CCSER1: variants seen among roughly 807,000 people sequenced by gnomAD.
The protein encoded by CCSER1 is serine-rich coiled-coil domain-containing protein 1.
In CCSER1, 41 loss-of-function variants were observed where a neutral mutation model predicts 82.0. The ratio of observed to expected loss-of-function variants is 0.50; its 90% CI spans 0.39 to 0.65. The LOEUF (loss-of-function observed/expected upper bound fraction) is 0.65. Ranked by LOEUF, CCSER1 falls within the 30% of genes least tolerant of loss-of-function variation. The pLI, the probability that CCSER1 is intolerant of heterozygous loss-of-function variation, is 0.00. For missense variants in CCSER1, 1,119 were observed against 1,064.2 expected (o/e 1.05, Z -0.72); for synonymous variants, 414 against 383.9 (o/e 1.08, Z -0.92).
At chr4:90,607,368 A>T (rs1784865018) in intron 5 of CCSER1, among the ~76,000 whole-genome samples, 2 of 152,220 alleles carry the variant, frequency 1.3e-5, no homozygotes, top group Admixed American at 1.3e-4. Flanking sequence ...TAAGGCTGCC[A>T]TACCAAATTA....
intron 4 of CCSER1, among the ~76,000 whole-genome samples, chr4:90,407,257 A>G (rs1444333819): frequency 6.6e-6 from 1 of 152,212 alleles, no homozygotes; most frequent in East Asian, 1.9e-4. Flanking sequence ...AAACTAGTGG[A>G]GATGGATAAA....
chr4:91,597,400 A>G lies in CCSER1; in HGVS notation c.2218-1172A>G, dbSNP rs112934802. Among the ~76,000 whole-genome samples the G allele has an allele frequency of 3.4e-4, 52 of 152,202 alleles. No individual in the cohort carries two copies. The South Asian group carries it at 0.01, about 30-fold the overall frequency. Reference sequence around the variant, plus strand: ...AATTGTGTCAGGAAGAAAGAGTAGAAATGAAGAGAAATGGATGACTTGAGA... The same window carrying G: ...AATTGTGTCAGGAAGAAAGAGTAGAGATGAAGAGAAATGGATGACTTGAGA... On this transcript the variant is annotated intron_variant, in intron 10 of 10. Transcript: ENST00000509176.
At chr4:90,171,735 G>C (rs1578314352) in intron 1 of CCSER1, among the ~76,000 whole-genome samples, 1 of 151,872 alleles carries the variant, frequency 6.6e-6, no homozygotes, top group Non-Finnish European at 1.5e-5. Flanking sequence ...GGTAAACATT[G>C]GAATTGTACA....
At chr4:90,853,847 A>T (rs578225988) in intron 8 of CCSER1, among the ~76,000 whole-genome samples, 339 of 152,286 alleles carry the variant, frequency 2.2e-3, no homozygotes, top group Non-Finnish European at 3.3e-3. Context: ...TGAGTTATGT[A>T]AAATATATTT....
intron 8 of CCSER1, among the ~76,000 whole-genome samples, chr4:90,888,050 A>G (rs560822712): frequency 6.6e-6 from 1 of 152,358 alleles, no homozygotes; most frequent in South Asian, 2.1e-4. Flanking sequence ...AAAATAAGTT[A>G]TAATTAAATT....
chr4:91,053,308 A>C (rs904515761), intron 9 of CCSER1, among the ~76,000 whole-genome samples: 2 of 152,320 alleles, frequency 1.3e-5, no homozygotes, highest in African/African-American at 4.8e-5. Context: ...GACATACCAA[A>C]ATGAGTTGGA....
intron 8 of CCSER1, among the ~76,000 whole-genome samples, chr4:90,870,971 A>G (rs1032409937): frequency 2.0e-5 from 3 of 150,060 alleles, no homozygotes; most frequent in Admixed American, 6.6e-5. Context: ...TCCTTTTTTA[A>G]TGTATGTTTG....
At chr4:90,727,400 T>A in intron 7 of CCSER1, 1 of 404,234 alleles carries the variant, frequency 2.5e-6, no homozygotes, top group South Asian at 1.8e-5. Flanking sequence ...TGCTTAGCCA[T>A]TAAGTTTTTT....
chr4:91,578,648 T>G (rs1471074728), intron 10 of CCSER1, among the ~76,000 whole-genome samples: 3 of 152,144 alleles, frequency 2.0e-5, no homozygotes, highest in Non-Finnish European at 4.4e-5. Context: ...AGCTTTTCTT[T>G]TCTGAGAAAC....
chr4:90,641,244 T>C (rs1055805307), intron 6 of CCSER1, among the ~76,000 whole-genome samples: 36 of 152,066 alleles, frequency 2.4e-4, no homozygotes, highest in Admixed American at 2.2e-3. Flanking sequence ...GAATATGGAG[T>C]TAAAAATATG....
At chr4:90,227,726 A>G (rs976559581) in intron 1 of CCSER1, among the ~76,000 whole-genome samples, 1 of 152,184 alleles carries the variant, frequency 6.6e-6, no homozygotes, top group Non-Finnish European at 1.5e-5. Context: ...TCATCTCACT[A>G]GGGAGTGCCA....
At chr4:91,079,420 G>A (rs1467732342) in intron 9 of CCSER1, among the ~76,000 whole-genome samples, 1 of 152,150 alleles carries the variant, frequency 6.6e-6, no homozygotes, top group African/African-American at 2.4e-5. Context: ...AGCTCTGGAA[G>A]GAAGTACTAA....
chr4:90,345,705 G>A (rs1742193000), intron 3 of CCSER1, among the ~76,000 whole-genome samples: 1 of 151,946 alleles, frequency 6.6e-6, no homozygotes, highest in South Asian at 2.1e-4. Context: ...AACACACATG[G>A]CCCTTACTCT....
intron 1 of CCSER1, among the ~76,000 whole-genome samples, chr4:90,232,461 C>T (rs1359604716): frequency 2.6e-5 from 4 of 152,110 alleles, no homozygotes; most frequent in Non-Finnish European, 5.9e-5. Flanking sequence ...ACACCTTATA[C>T]AGAAATCAAT....
rs745505744 is a variant in CCSER1 at position 91,216,971 on chromosome 4, CACTG to C, written c.2217+130981_2217+130984del. Among the ~76,000 whole-genome samples, 16 of 152,270 alleles carry C rather than the reference CACTG, an allele frequency of 1.1e-4. 1 individual carries two copies. In the East Asian group the frequency reaches 2.3e-3, roughly 22 times the overall value. On this transcript the variant is annotated intron_variant, in intron 10 of 10. Transcript: ENST00000509176. Reference sequence around the variant, plus strand: ...TCCGGAATTGGTGGGTTCTTGGTCTCACTGACTTCAAGAATGAAGCCGCGGACCC... The same window carrying C: ...TCCGGAATTGGTGGGTTCTTGGTCTCACTTCAAGAATGAAGCCGCGGACCC...
chr4:90,933,257 G>A (rs1320171596), intron 9 of CCSER1, among the ~76,000 whole-genome samples: 1 of 149,772 alleles, frequency 6.7e-6, no homozygotes, highest in Non-Finnish European at 1.5e-5. Flanking sequence ...GCGCGGTCTC[G>A]GCTCACTGCA....
chr4:91,164,007 G>A (rs546959915), intron 10 of CCSER1, among the ~76,000 whole-genome samples: 5 of 152,144 alleles, frequency 3.3e-5, no homozygotes, highest in Non-Finnish European at 7.3e-5. Context: ...GTTAGTTGAT[G>A]CAGTTTCTTC....
intron 8 of CCSER1, among the ~76,000 whole-genome samples, chr4:90,842,712 G>C (rs998255048): frequency 6.6e-6 from 1 of 152,152 alleles, no homozygotes; most frequent in African/African-American, 2.4e-5. Flanking sequence ...TGTATAAGAA[G>C]GATGCAGTTC....
chr4:90,472,958 C>T (rs1479155838), intron 5 of CCSER1, among the ~76,000 whole-genome samples: 3 of 152,072 alleles, frequency 2.0e-5, no homozygotes, highest in African/African-American at 2.4e-5. Flanking sequence ...AATCAAATAC[C>T]ACATATCCAT....
Sources: gnomAD v4.1 joint callset for allele counts (sites outside exome capture counted in the v4.1 genomes callset) on GRCh38, gnomAD v4.1.1 for gene constraint, MANE v1.5 for transcripts, NCBI Gene and HGNC (gene_info 2026-07-23, HGNC 2026-07-21) for gene names.